The following PFAS variants were observed in gnomAD, a reference collection of about 807,000 sequenced individuals.
PFAS encodes FGAM synthase.
Under a neutral mutation model 140.6 loss-of-function variants are expected in PFAS, and 97 were observed. The ratio of observed to expected loss-of-function variants is 0.69; its 90% CI spans 0.59 to 0.82. The LOEUF is 0.82. PFAS is among the 40% of genes least tolerant of loss of function. The pLI is 0.00. For synonymous variants in PFAS, 679 were observed against 718.8 expected, an observed-to-expected ratio of 0.94 and a Z score of 0.88; for missense variants, 1,656 against 1,780.2, an observed-to-expected ratio of 0.93 and a Z score of 1.26.
rs1330315773 is a variant in PFAS at position 8,267,986 on chromosome 17, ATAT to A, written c.3382+327_3382+329del. ...TATATTATTTATATATATTATTTAT[ATAT>A]TATTAAAATATATTATTTATATATA... On this transcript the variant is annotated intron_variant, in intron 26 of 27. Coordinates refer to ENST00000314666, the MANE Select transcript of PFAS (RefSeq NM_012393.3). This position sits in a 1 kb window ranked among gnomAD's most constrained non-coding sequence, Gnocchi z 4.9. 7.6e-5 allele frequency among the ~76,000 whole-genome samples: 11 copies of A among 143,840 alleles called. No individual in the cohort carries two copies. The highest frequency in any genetic ancestry group is 2.0e-4 in the East Asian group (1 of 5,058). 94.4% of individuals were successfully genotyped at this position (143,840 alleles called of 152,430 possible).
In PFAS at chr17:8,266,218, C is replaced by A; in HGVS notation, c.2702-16C>A. 4.3e-6 allele frequency: 7 copies of A among 1,613,418 alleles called. 1 individual carries two copies. In the Middle Eastern group the frequency reaches 1.2e-3, roughly 267 times the overall value. ...TTGGGTCCCGAGGTTGCTGAGCTTT[C>A]TTCTCCTTCCTCCAGACCGCCTCCT... On this transcript the variant is annotated splice_polypyrimidine_tract_variant and intron_variant, in intron 21 of 27. Coordinates refer to ENST00000314666, the MANE Select transcript of PFAS (RefSeq NM_012393.3). The surrounding 1 kb of genome is among the most constrained non-coding windows in gnomAD (Gnocchi z 5.0).
chr17:8,268,416 G>A (rs1989916637), intron 26 of PFAS, 117 bp from the exon 27 acceptor site: 2 of 675,406 alleles, frequency 3.0e-6, no homozygotes, highest in Non-Finnish European at 5.0e-6. Context: ...GAAGGAGGGA[G>A]GGAGGGAAAA....
chr17:8,259,453 T>C (rs1392056365), intron 11 of PFAS, among the ~76,000 whole-genome samples: 1 of 152,110 alleles, frequency 6.6e-6, no homozygotes, highest in African/African-American at 2.4e-5. Context: ...ACTTGCTTTA[T>C]ATAAGTAGAA....
At position 8,265,581 on chromosome 17, in the gene PFAS, C is replaced by T. The variant is rs112610020; in HGVS notation, c.2487C>T (p.Ala829=). The stretch of plus-strand genomic sequence containing the variant: ...GGTCACTGGTCATCTCAGCCTATGC[C>T]GTCTGCCCAGACATCACAGCCACTG... ...APGSLVISAY[A]VCPDITATVT... Residue 829 remains alanine, a synonymous_variant, in exon 20 of 28, where the codon GCC becomes GCT. Coordinates refer to ENST00000314666, the MANE Select transcript of PFAS (RefSeq NM_012393.3). 2.4e-5 allele frequency: 38 copies of T among 1,614,026 alleles called. No individual in the cohort carries two copies. In the Admixed American group the frequency reaches 2.5e-4, roughly 11 times the overall value.
chr17:8,255,855 G>A lies in PFAS; in HGVS notation c.625G>A (p.Glu209Lys). ...DLDFYTKRFQ[E>K]LQRNPSTVEA... is the part of the protein sequence containing the mutation. ...AGACTTCTACACCAAGCGCTTCCAG[G>A]AGCTACAGCGGAACCCGAGCACTGT... The change falls in exon 6 of 28, where the codon GAG (glutamate) becomes AAG (lysine). Residue 209 changes from glutamate to lysine, a missense_variant. By Grantham distance (56) the Glu-to-Lys change is moderately conservative. This residue lies in a region of PFAS where 773 missense variants were observed against 757.3 expected (regional missense o/e 1.02). Transcript: ENST00000314666. 1 of 1,614,124 alleles carries A rather than the reference G, an allele frequency of 6.2e-7. No homozygotes were observed. Among genetic ancestry groups the A allele is most frequent in the Non-Finnish European group, 8.5e-7 (1 of 1,180,004 alleles).
chr17:8,263,858 C>G lies in PFAS; in HGVS notation c.1713C>G (p.Asn571Lys). The G allele has an allele frequency of 3.7e-6, 6 of 1,614,162 alleles. No homozygotes were observed. The highest frequency in any genetic ancestry group is 5.1e-6 in the Non-Finnish European group (6 of 1,180,018). ...ATGCTCTTCTGCTGAGGTCCCCCAA[C>G]CGGGACTTCCTGACTCATGTCAGTG... is the stretch of plus-strand genomic sequence containing the variant. ...ESNALLLRSPNRDFLTHVSAR... is the reference protein window; with the variant it reads ...ESNALLLRSPKRDFLTHVSAR... The change falls in exon 15 of 28, where the codon AAC becomes AAG. Residue 571 changes from asparagine (N) to lysine (K), a missense_variant. This residue lies in a region of PFAS where 773 missense variants were observed against 757.3 expected (regional missense o/e 1.02). Coordinates refer to ENST00000314666, the MANE Select transcript of PFAS (RefSeq NM_012393.3).
In PFAS at chr17:8,256,555, C is replaced by A; in HGVS notation, c.853C>A (p.Arg285=). The change falls in exon 8 of 28, where the codon CGG becomes AGG. Residue 285 remains arginine, a synonymous_variant. Coordinates refer to ENST00000314666, the MANE Select transcript of PFAS (RefSeq NM_012393.3). The part of the protein sequence containing the change: ...AIQGKEVRFL[R]PEDPTRPSRF... ...CCAGGGAAAGGAAGTCCGATTCCTACGGCCTGAGGACCCCACACGGCCAAG... is the reference window on the plus strand; with the variant it reads ...CCAGGGAAAGGAAGTCCGATTCCTAAGGCCTGAGGACCCCACACGGCCAAG... 5 of 1,614,100 alleles carry A rather than the reference C, an allele frequency of 3.1e-6. No individual in the cohort carries two copies. Among genetic ancestry groups the A allele is most frequent in the Non-Finnish European group, 4.2e-6 (5 of 1,180,016 alleles).
In PFAS at chr17:8,264,524, G is replaced by C; in HGVS notation, c.1972G>C (p.Gly658Arg). ...PMLQPLALPP[G>R]LSVHQALERV... ...GCTGCAGCCTCTGGCCTTGCCCCCAGGGCTGAGCGTGCACCAGGCTCTGGA... is the reference window on the plus strand; with the variant it reads ...GCTGCAGCCTCTGGCCTTGCCCCCACGGCTGAGCGTGCACCAGGCTCTGGA... The change falls in exon 17 of 28, where the codon GGG becomes CGG. Residue 658 changes from glycine to arginine, a missense_variant. Gly to Arg is a moderately radical substitution (Grantham distance 125). Around this residue, in one of 2 missense-constraint regions of PFAS, gnomAD observed 883 missense variants for 1,023.0 expected, o/e 0.86. Transcript: ENST00000314666. The C allele has an allele frequency of 6.2e-7, 1 of 1,613,734 alleles. No homozygotes were observed. Among genetic ancestry groups the C allele is most frequent in the Non-Finnish European group, 8.5e-7 (1 of 1,179,860 alleles).
intron 11 of PFAS, among the ~76,000 whole-genome samples, chr17:8,259,170 T>C (rs1989494110): frequency 6.6e-6 from 1 of 151,746 alleles, no homozygotes; most frequent in African/African-American, 2.4e-5. Context: ...AATATGAAGC[T>C]ACTGTCAATG....
intron 11 of PFAS, 148 bp from the exon 12 acceptor site, chr17:8,262,772 G>A (rs893231794): frequency 2.3e-5 from 15 of 665,086 alleles, no homozygotes; most frequent in Non-Finnish European, 4.0e-5. Flanking sequence ...CTTCAGCCTG[G>A]ACAACAGAGC....
upstream of PFAS, among the ~76,000 whole-genome samples, chr17:8,248,448 G>T (rs1449918374): frequency 9.1e-5 from 5 of 54,808 alleles, no homozygotes; most frequent in South Asian, 2.7e-3. Context: ...TTTTAGTAGA[G>T]ACGGGGTTTC....
In PFAS at chr17:8,267,580, C is replaced by T; in HGVS notation, c.3297C>T (p.Cys1099=). ...EVWDVTMQDL[C]SGAIGLDTFR... is the part of the protein sequence containing the mutation. ...GGGACGTGACCATGCAGGACCTCTG[C>T]TCTGGGGCAATTGGGCTGGACACTT... The change falls in exon 26 of 28, where the codon TGC becomes TGT. Residue 1099 remains cysteine, a synonymous_variant. Coordinates refer to ENST00000314666, the MANE Select transcript of PFAS (RefSeq NM_012393.3). The surrounding 1 kb of genome is among the most constrained non-coding windows in gnomAD (Gnocchi z 4.9). 4 of 1,613,084 alleles carry T rather than the reference C, an allele frequency of 2.5e-6. No individual in the cohort carries two copies. Among genetic ancestry groups the T allele is most frequent in the Non-Finnish European group, 3.4e-6 (4 of 1,179,064 alleles).
intron 11 of PFAS, among the ~76,000 whole-genome samples, chr17:8,261,279 C>G (rs536208873): frequency 2.4e-4 from 36 of 151,286 alleles, no homozygotes; most frequent in African/African-American, 8.5e-4. Flanking sequence ...CTCTGTTACT[C>G]AGGCTGGAGT....
Position 8,268,958 on chromosome 17 carries a change from C to CTGA in PFAS, c.3711_3712insTGA (p.Tyr1237_Val1238insTer). On this transcript the variant is annotated stop_gained and inframe_insertion, in exon 28 of 28. Coordinates refer to ENST00000314666, the MANE Select transcript of PFAS (RefSeq NM_012393.3). LOFTEE classifies it high-confidence loss of function. ...TCCCTCCTCCTTCCATCCCAGGTTA[C>CTGA]GTAGCATTTTCTTCTCCGGAACTCC... 1 of 1,614,096 alleles carries CTGA rather than the reference C, an allele frequency of 6.2e-7. No homozygotes were observed. The highest frequency in any genetic ancestry group is 8.5e-7 in the Non-Finnish European group (1 of 1,179,964).
intron 13 of PFAS, 149 bp from the exon 14 acceptor site, chr17:8,263,426 C>T: frequency 1.0e-6 from 1 of 992,888 alleles, no homozygotes; most frequent in Non-Finnish European, 1.6e-6. Flanking sequence ...AGGGTGGAAG[C>T]CTGCTGCCGT....
chr17:8,251,025 C>G (rs1322123685), intron 1 of PFAS, among the ~76,000 whole-genome samples: 1 of 151,524 alleles, frequency 6.6e-6, no homozygotes, highest in Non-Finnish European at 1.5e-5. Context: ...CAGTCGCTCA[C>G]GCCTATAATC....
At chr17:8,261,722 C>A (rs940835254) in intron 11 of PFAS, among the ~76,000 whole-genome samples, 4 of 152,024 alleles carry the variant, frequency 2.6e-5, no homozygotes, top group African/African-American at 9.7e-5. Flanking sequence ...GCAATCCTCC[C>A]ACCTTAGCCT....
rs1474955625 is a variant in PFAS at position 8,255,150 on chromosome 17, CAGG to C, written c.384+27_384+29del. 3 of 1,545,716 alleles carry C rather than the reference CAGG, an allele frequency of 1.9e-6. No individual in the cohort carries two copies. The highest frequency in any genetic ancestry group is 2.7e-6 in the Non-Finnish European group (3 of 1,120,090). The stretch of plus-strand genomic sequence containing the variant: ...GGCTCTCGGTGAGGTGATGGGGAAT[CAGG>C]AGGAGGAGATGAGCCAGAGATACAA... On this transcript the variant is annotated intron_variant, in intron 4 of 27. Transcript: ENST00000314666.
rs1989883459 is a variant in PFAS, at chr17:8,267,878, A to AATATATATTATTAAATATATATTATTT, written c.3382+226_3382+252dup. Among the ~76,000 whole-genome samples the AATATATATTATTAAATATATATTATTT allele has an allele frequency of 6.8e-6, 1 of 146,274 alleles. No homozygotes were observed. The highest frequency in any genetic ancestry group is 2.5e-5 in the African/African-American group (1 of 40,212). On this transcript the variant is annotated intron_variant, in intron 26 of 27. Transcript: ENST00000314666. The surrounding 1 kb of genome is among the most constrained non-coding windows in gnomAD (Gnocchi z 4.9). Reference sequence around the variant, plus strand: ...TATATATATACACATATGTAATTAAAATATATATTATTAAATATATATTAT... The same window carrying AATATATATTATTAAATATATATTATTT: ...TATATATATACACATATGTAATTAAAATATATATTATTAAATATATATTATTTATATATATTATTAAATATATATTAT...
Sources: allele counts gnomAD v4.1 joint callset (sites outside exome capture counted in the v4.1 genomes callset), GRCh38; gene constraint gnomAD v4.1.1; regional missense constraint gnomAD v4.1.1; non-coding constraint Gnocchi (gnomAD v3.1); transcripts MANE v1.5; gene names NCBI Gene and HGNC (gene_info 2026-07-23, HGNC 2026-07-21).